The following RNF44 variants were observed in gnomAD, a reference collection of about 807,000 sequenced individuals.
The protein encoded by RNF44 is ring finger protein 44.
Under a neutral mutation model 53.6 loss-of-function variants are expected in RNF44, and 25 were observed. That is an observed-to-expected ratio of 0.47 (90% CI 0.34 to 0.65). The LOEUF (loss-of-function observed/expected upper bound fraction) is 0.65, where lower values mean the gene tolerates loss of function less well. Among genes scored for constraint, RNF44 ranks in the 30% least tolerant of loss-of-function variants. The pLI is 0.01. For synonymous variants in RNF44, 282 were observed against 252.2 expected (o/e 1.12, Z -1.12); for missense variants, 581 against 595.5 (o/e 0.98, Z 0.25).
At chr5:176,529,231 G>A (rs1455328685) in intron 10 of RNF44, 57 bp downstream of exon 10, 2 of 1,566,418 alleles carry the variant, frequency 1.3e-6, no homozygotes, top group South Asian at 1.1e-5. Flanking sequence ...GCCCAGGCCA[G>A]CCCATCCCCC....
At chr5:176,542,748 G>C (rs1317588120), upstream of RNF44, 1 of 152,316 alleles carries the variant, frequency 6.6e-6, no homozygotes, top group African/African-American at 2.4e-5. Flanking sequence ...GGACCCCGCA[G>C]CGTTCCGACA....
chr5:176,531,463 C>CGGG lies in RNF44; in HGVS notation c.462_464dup (p.Pro155dup), dbSNP rs1756652687. 5.8e-6 allele frequency: 9 copies of CGGG among 1,554,418 alleles called. No individual in the cohort carries two copies. The highest frequency in any genetic ancestry group is 6.1e-6 in the Non-Finnish European group (7 of 1,149,718). ...GGAGGAGCTAGAAACACTCACTCAC[C>CGGG]GGGGGCGGGAGGCAGCAGAGGGGGT... On this transcript the variant is annotated inframe_insertion and splice_region_variant, in exon 4 of 11. Coordinates refer to ENST00000274811, the MANE Select transcript of RNF44 (RefSeq NM_014901.5). The surrounding 1 kb of genome is among the most constrained non-coding windows in gnomAD (Gnocchi z 4.2).
At chr5:176,540,948 A>G (rs1255783658), upstream of RNF44, among the ~76,000 whole-genome samples, 2 of 152,208 alleles carry the variant, frequency 1.3e-5, no homozygotes, top group Non-Finnish European at 2.9e-5. Context: ...ATCCCTCCTC[A>G]GGGTCACTGA....
In RNF44 at chr5:176,534,888, C is replaced by T. The variant is rs146475489; in HGVS notation, c.-45+2052G>A. On this transcript the variant is annotated intron_variant, in intron 1 of 10. Coordinates refer to ENST00000274811, the MANE Select transcript of RNF44 (RefSeq NM_014901.5). ...CCATAAAGCACCCATGACTAGCCAC[C>T]AAGCCAGCAGCCTTGACTGCTCCTC... is the stretch of plus-strand genomic sequence containing the variant. Among the ~76,000 whole-genome samples the T allele has an allele frequency of 9.8e-4, 149 of 152,326 alleles. 1 individual carries two copies. The Middle Eastern group carries it at 0.01, about 10-fold the overall frequency.
upstream of RNF44, chr5:176,537,932 T>A (rs990721276): frequency 6.6e-6 from 1 of 151,982 alleles, no homozygotes; most frequent in African/African-American, 2.4e-5. Context: ...CCACTTCTCC[T>A]TGTTTATACT....
chr5:176,536,593 T>C (rs770148266), intron 1 of RNF44, among the ~76,000 whole-genome samples: 1 of 152,012 alleles, frequency 6.6e-6, no homozygotes, highest in Non-Finnish European at 1.5e-5. Context: ...GAGGCGAGAC[T>C]GCAGCGCAGG....
At position 176,532,124 on chromosome 5, in the gene RNF44, C is replaced by T. The variant is rs754755033; in HGVS notation, c.177G>A (p.Pro59=). Residue 59 remains proline (P), a synonymous_variant, in exon 3 of 11, where the codon CCG becomes CCA. Transcript: ENST00000274811. ...CTACGGGGAGGTGTGGAGGTCGGGA[C>T]GGCGGCTGCTGGGAGGGTAAGCGCT... ...RDERLPSQQP[P]SRPPHLPVEE... 3.0e-4 allele frequency: 473 copies of T among 1,583,412 alleles called. No individual in the cohort carries two copies. The highest frequency in any genetic ancestry group is 3.8e-4 in the Non-Finnish European group (449 of 1,166,940).
chr5:176,538,015 A>C (rs2113213344), upstream of RNF44: 1 of 152,270 alleles, frequency 6.6e-6, no homozygotes, highest in African/African-American at 2.4e-5. Context: ...CATGCAAACG[A>C]GCTAACGTCT....
At chr5:176,530,265 G>A (rs1407433144) in intron 6 of RNF44, 59 bp from the exon 7 acceptor site, 1 of 597,776 alleles carries the variant, frequency 1.7e-6, no homozygotes, top group East Asian at 6.6e-5. Flanking sequence ...CCGCCCCGGA[G>A]CCCAGGTGCA....
At chr5:176,538,068 G>C (rs1441846854), upstream of RNF44, 1 of 152,188 alleles carries the variant, frequency 6.6e-6, no homozygotes, top group Non-Finnish European at 1.5e-5. Flanking sequence ...ACGTCACAGA[G>C]ACATTTAACC....
chr5:176,529,482 A>G, intron 9 of RNF44, 41 bp downstream of exon 9: 5 of 1,610,678 alleles, frequency 3.1e-6, no homozygotes, highest in Middle Eastern at 1.7e-4. Flanking sequence ...CACGGCAGCC[A>G]GCTGTGTTCA....
At position 176,528,973 on chromosome 5, in the gene RNF44, C is replaced by T; in HGVS notation, c.*55G>A. The T allele has an allele frequency of 1.3e-6, 2 of 1,560,240 alleles. No homozygotes were observed. The highest frequency in any genetic ancestry group is 1.8e-6 in the Non-Finnish European group (2 of 1,141,498). On this transcript the variant is annotated 3_prime_UTR_variant, in exon 11 of 11. Transcript: ENST00000274811. Reference sequence around the variant, plus strand: ...CCTCCCCATCCTCCCTGGGCCCCACCCACAAGTTTCCAGAGCTTCAGGCAG... The same window carrying T: ...CCTCCCCATCCTCCCTGGGCCCCACTCACAAGTTTCCAGAGCTTCAGGCAG...
At chr5:176,538,933 A>T (rs186954498), upstream of RNF44, among the ~76,000 whole-genome samples, 22 of 152,352 alleles carry the variant, frequency 1.4e-4, no homozygotes, top group Non-Finnish European at 2.5e-4. Context: ...AGACTATTGT[A>T]TATATTGCAC....
upstream of RNF44, among the ~76,000 whole-genome samples, chr5:176,541,947 G>A (rs539712840): frequency 3.3e-5 from 5 of 152,310 alleles, no homozygotes; most frequent in African/African-American, 1.2e-4. Context: ...ACACCAGGGA[G>A]GGAGTAGACA....
In RNF44 at chr5:176,530,063, C is replaced by A. The variant is rs769733008; in HGVS notation, c.926+19G>T. On this transcript the variant is annotated intron_variant, in intron 7 of 10. Transcript: ENST00000274811. ...AGAACAGGGCATCAGGGACCTGGGG[C>A]GGATGTGCGGATACTTACAGGAAGT... 11 of 1,114,402 alleles carry A rather than the reference C, an allele frequency of 9.9e-6. No individual in the cohort carries two copies. The highest frequency in any genetic ancestry group is 1.2e-5 in the Non-Finnish European group (11 of 902,700). 69.0% of individuals were successfully genotyped at this position (1,114,402 alleles called of 1,614,324 possible). A position where few individuals can be genotyped will look rare whatever the true frequency, so the allele number is the denominator to read the frequency against.
At position 176,527,260 on chromosome 5, in the gene RNF44, C is replaced by T. The variant is rs887743632; in HGVS notation, c.*1768G>A. 9 of 152,420 alleles carry T rather than the reference C, an allele frequency of 5.9e-5. No individual in the cohort carries two copies. The highest frequency in any genetic ancestry group is 2.2e-4 in the African/African-American group (9 of 41,420). The allele number at this position is 152,420 out of a possible 1,614,324, so 9.4% of individuals were successfully genotyped here. On this transcript the variant is annotated 3_prime_UTR_variant, in exon 11 of 11. Transcript: ENST00000274811. ...CATCTATAGCAAGGTCGGCAGATCA[C>T]AAACATCCTAAGTAATTGTTGTATA... is the stretch of plus-strand genomic sequence containing the variant.
rs1756692753 is a variant in RNF44 at position 176,531,794 on chromosome 5, G to A, written c.298-164C>T. The A allele has an allele frequency of 2.3e-6, 2 of 887,234 alleles. No homozygotes were observed. Among genetic ancestry groups the A allele is most frequent in the Admixed American group, 3.0e-5 (1 of 33,456 alleles). The allele number at this position is 887,234 out of a possible 1,614,324, so 55.0% of individuals were successfully genotyped here. A position where few individuals can be genotyped will look rare whatever the true frequency, so the allele number is the denominator to read the frequency against. On this transcript the variant is annotated intron_variant, in intron 3 of 10. Coordinates refer to ENST00000274811, the MANE Select transcript of RNF44 (RefSeq NM_014901.5). This position sits in a 1 kb window ranked among gnomAD's most constrained non-coding sequence, Gnocchi z 4.2. Reference sequence around the variant, plus strand: ...CTGTGCCTCTACTCCCAGGCCCCCGGGGCAGAGAAAGCCCCGTGGGAATCT... The same window carrying A: ...CTGTGCCTCTACTCCCAGGCCCCCGAGGCAGAGAAAGCCCCGTGGGAATCT...
At position 176,531,339 on chromosome 5, in the gene RNF44, C is replaced by A. The variant is rs565848379; in HGVS notation, c.465+124G>T. 3.6e-5 allele frequency: 34 copies of A among 950,278 alleles called. No individual in the cohort carries two copies. The highest frequency in any genetic ancestry group is 4.9e-5 in the Non-Finnish European group (32 of 653,590). The allele number at this position is 950,278 out of a possible 1,614,324, so 58.9% of individuals were successfully genotyped here. ...TGCTTTCCTGGGGAGGCCAGGCAGG[C>A]GCTCTGACAGCCTGGATGGCTGGAT... On this transcript the variant is annotated intron_variant, in intron 4 of 10. Transcript: ENST00000274811. This position sits in a 1 kb window ranked among gnomAD's most constrained non-coding sequence, Gnocchi z 4.2.
rs1386779743 is a variant in RNF44, at chr5:176,528,142, C to G, written c.*886G>C. 1 of 152,396 alleles carries G rather than the reference C, an allele frequency of 6.6e-6. No individual in the cohort carries two copies. The highest frequency in any genetic ancestry group is 1.9e-4 in the East Asian group (1 of 5,196). 9.4% of individuals were successfully genotyped at this position (152,396 alleles called of 1,614,324 possible). On this transcript the variant is annotated 3_prime_UTR_variant, in exon 11 of 11. Coordinates refer to ENST00000274811, the MANE Select transcript of RNF44 (RefSeq NM_014901.5). ...CTGGGCACTCGGTCCCAGTTGGTCCCTATACCCGCCCCTATTAAACCAAAA... is the reference window on the plus strand; with the variant it reads ...CTGGGCACTCGGTCCCAGTTGGTCCGTATACCCGCCCCTATTAAACCAAAA...
Sources: gnomAD v4.1 joint callset for allele counts (sites outside exome capture counted in the v4.1 genomes callset) on GRCh38, gnomAD v4.1.1 for gene constraint, Gnocchi (gnomAD v3.1) non-coding constraint, MANE v1.5 for transcripts, NCBI Gene and HGNC (gene_info 2026-07-23, HGNC 2026-07-21) for gene names.